The following DSTN variants were observed in gnomAD, a reference collection of about 807,000 sequenced individuals.
DSTN encodes the protein destrin.
In DSTN, 10 loss-of-function variants were observed where a neutral mutation model predicts 16.8. The ratio of observed to expected loss-of-function variants is 0.60; its 90% CI spans 0.37 to 1.01. The LOEUF is 1.01. DSTN is among the 50% of genes least tolerant of loss of function. The pLI is 0.01. For synonymous variants in DSTN, 57 were observed against 58.9 expected (o/e 0.97, Z 0.14); for missense variants, 141 against 196.7 (o/e 0.72, Z 1.69).
At chr20:17,588,191 T>C (rs2122183591) in intron 1 of DSTN, among the ~76,000 whole-genome samples, 1 of 152,350 alleles carries the variant, frequency 6.6e-6, no homozygotes, top group African/African-American at 2.4e-5. Context: ...TCTAGGCATG[T>C]CCTAAACCTT....
chr20:17,573,341 C>A (rs2035229352), intron 1 of DSTN, among the ~76,000 whole-genome samples: 1 of 151,738 alleles, frequency 6.6e-6, no homozygotes. Flanking sequence ...CAGGGGAGGG[C>A]AGCTTTTGGA....
In DSTN at chr20:17,583,735, C is replaced by CTTTTTTTTTTTTTTTTTTTT. The variant is rs71192397; in HGVS notation, c.3+13528_3+13547dup. Among the ~76,000 whole-genome samples, 25 of 72,492 alleles carry CTTTTTTTTTTTTTTTTTTTT rather than the reference C, an allele frequency of 3.4e-4. 8 individuals are homozygous for CTTTTTTTTTTTTTTTTTTTT. Among genetic ancestry groups the CTTTTTTTTTTTTTTTTTTTT allele is most frequent in the Admixed American group, 7.9e-4 (3 of 3,808 alleles). The allele number at this position is 72,492 out of a possible 152,430, so 47.6% of individuals were successfully genotyped here. ...ATGACTGCTAATGGGTTTGGAGTTT[C>CTTTTTTTTTTTTTTTTTTTT]TTTTTTTTTTTTTTTTTTTTTTTGA... On this transcript the variant is annotated intron_variant, in intron 1 of 3. Coordinates refer to ENST00000246069, the MANE Select transcript of DSTN (RefSeq NM_006870.4).
chr20:17,589,020 A>T (rs995421733), intron 1 of DSTN, among the ~76,000 whole-genome samples: 1 of 152,134 alleles, frequency 6.6e-6, no homozygotes, highest in Non-Finnish European at 1.5e-5. Context: ...TGGCAGCAGG[A>T]TGGCGTTCAG....
rs2035556475 is a variant in DSTN, at chr20:17,598,944, A to AT, written c.4-1793dup. ...GCATGGTTTTACATAAATTGACCAT[A>AT]TGACCCAACAATTCCACTCCTAGTT... On this transcript the variant is annotated intron_variant, in intron 1 of 3. Transcript: ENST00000246069. Among the ~76,000 whole-genome samples, 4 of 152,164 alleles carry AT rather than the reference A, an allele frequency of 2.6e-5. No homozygotes were observed. In the South Asian group the frequency reaches 8.3e-4, roughly 32 times the overall value.
intron 2 of DSTN, 125 bp from the exon 3 acceptor site, chr20:17,604,430 A>G: frequency 1.0e-6 from 1 of 964,182 alleles, no homozygotes; most frequent in East Asian, 2.6e-5. Context: ...ATGTGCAGTT[A>G]AGAAAAAATA....
chr20:17,604,704 A>T (rs2035622752), intron 3 of DSTN, 73 bp downstream of exon 3: 8 of 1,425,050 alleles, frequency 5.6e-6, no homozygotes, highest in Non-Finnish European at 7.7e-6. Flanking sequence ...CTTTTCTGAG[A>T]AGCACCTTAT....
chr20:17,573,415 A>G (rs117556038), intron 1 of DSTN, among the ~76,000 whole-genome samples: 3 of 152,102 alleles, frequency 2.0e-5, no homozygotes, highest in Non-Finnish European at 4.4e-5. Context: ...GTGCAAGTTT[A>G]TCCATTCCCC....
Position 17,607,450 on chromosome 20 carries a change from G to A in DSTN, c.*304G>A, listed in dbSNP as rs111274443. ...ACAAACAGTAAAGGCCATGTGAAGA[G>A]AATTATTACATCTTTATTAACCTCA... On this transcript the variant is annotated 3_prime_UTR_variant, in exon 4 of 4. Transcript: ENST00000246069. 1 of 257,138 alleles carries A rather than the reference G, an allele frequency of 3.9e-6. No individual in the cohort carries two copies. Among genetic ancestry groups the A allele is most frequent in the Non-Finnish European group, 7.3e-6 (1 of 137,228 alleles). The allele number at this position is 257,138 out of a possible 1,614,324, so 15.9% of individuals were successfully genotyped here.
chr20:17,584,880 G>T (rs60931694), intron 1 of DSTN, among the ~76,000 whole-genome samples: 12,911 of 152,102 alleles, frequency 0.085, 975 homozygotes, highest in African/African-American at 0.2. Context: ...TTCAAAACTT[G>T]GCATAAACAT....
intron 1 of DSTN, among the ~76,000 whole-genome samples, chr20:17,595,356 C>G (rs371996013): frequency 6.6e-6 from 1 of 152,142 alleles, no homozygotes; most frequent in Non-Finnish European, 1.5e-5. Flanking sequence ...CAATTTTTGG[C>G]AGTGTATCTT....
intron 1 of DSTN, among the ~76,000 whole-genome samples, chr20:17,589,297 G>A (rs1438713563): frequency 1.3e-5 from 2 of 150,986 alleles, no homozygotes; most frequent in Non-Finnish European, 2.9e-5. Flanking sequence ...TGCAACCTTC[G>A]CCTCCCAGGT....
At chr20:17,599,667 A>G (rs1344112338) in intron 1 of DSTN, 2 of 152,292 alleles carry the variant, frequency 1.3e-5, no homozygotes, top group African/African-American at 4.8e-5. Flanking sequence ...TGATTTGGCC[A>G]TCCACAGATG....
intron 1 of DSTN, among the ~76,000 whole-genome samples, chr20:17,593,777 C>G (rs2035496163): frequency 6.6e-6 from 1 of 152,046 alleles, no homozygotes; most frequent in African/African-American, 2.4e-5. Flanking sequence ...GTAGGTATAG[C>G]CAAATGGAGC....
At chr20:17,580,537 A>C (rs1378760437) in intron 1 of DSTN, among the ~76,000 whole-genome samples, 1 of 152,202 alleles carries the variant, frequency 6.6e-6, no homozygotes, top group Non-Finnish European at 1.5e-5. Flanking sequence ...ACCTGAGGTC[A>C]GGAGTTTGAG....
At chr20:17,598,059 T>C (rs1254347528) in intron 1 of DSTN, among the ~76,000 whole-genome samples, 1 of 152,226 alleles carries the variant, frequency 6.6e-6, no homozygotes. Context: ...TTCCATTGTG[T>C]GGATATACTA....
At chr20:17,603,423 C>G (rs1389484391) in intron 2 of DSTN, among the ~76,000 whole-genome samples, 1 of 152,032 alleles carries the variant, frequency 6.6e-6, no homozygotes, top group Non-Finnish European at 1.5e-5. Flanking sequence ...AAAAAAAATA[C>G]TGGTTTTGGT....
At chr20:17,583,731 G>GTTTGTTTTTTTT (rs74172899) in intron 1 of DSTN, among the ~76,000 whole-genome samples, 1 of 28,022 alleles carries the variant, frequency 3.6e-5, no homozygotes, top group Non-Finnish European at 8.6e-5. Flanking sequence ...TGGGTTTGGA[G>GTTTGTTTTTTTT]TTTCTTTTTT....
Position 17,584,904 on chromosome 20 carries a change from G to A in DSTN, c.3+14693G>A, listed in dbSNP as rs545896908. Among the ~76,000 whole-genome samples the A allele has an allele frequency of 2.6e-4, 39 of 152,280 alleles. No homozygotes were observed. In the South Asian group the frequency reaches 8.1e-3, roughly 32 times the overall value. ...TGGCATAAACATGATTTTAACAGCT[G>A]CATCAGGAACTATCCTGTGGATATA... On this transcript the variant is annotated intron_variant, in intron 1 of 3. Coordinates refer to ENST00000246069, the MANE Select transcript of DSTN (RefSeq NM_006870.4).
intron 2 of DSTN, among the ~76,000 whole-genome samples, chr20:17,602,102 T>A (rs899321981): frequency 6.6e-6 from 1 of 152,116 alleles, no homozygotes; most frequent in Non-Finnish European, 1.5e-5. Context: ...AAAAGGAAGA[T>A]AACTCGAGGT....
Sources: allele counts gnomAD v4.1 joint callset (sites outside exome capture counted in the v4.1 genomes callset), GRCh38; gene constraint gnomAD v4.1.1; transcripts MANE v1.5; gene names NCBI Gene and HGNC (gene_info 2026-07-23, HGNC 2026-07-21).